GRID1: variants seen among roughly 807,000 people sequenced by gnomAD.
The protein encoded by GRID1 is glutamate ionotropic receptor delta type subunit 1.
GRID1 carries 28 observed loss-of-function variants against 98.0 expected under a neutral mutation model. The ratio of observed to expected loss-of-function variants is 0.29; its 90% CI spans 0.21 to 0.39. The LOEUF (loss-of-function observed/expected upper bound fraction) is 0.39, where lower values mean the gene tolerates loss of function less well. Ranked by LOEUF, GRID1 falls within the 10% of genes least tolerant of loss-of-function variation. GRID1 has a pLI of 1.00. For synonymous variants in GRID1, 553 were observed against 538.5 expected, an observed-to-expected ratio of 1.03 and a Z score of -0.37; for missense variants, 1,111 against 1,340.5, an observed-to-expected ratio of 0.83 and a Z score of 2.67.
chr10:86,051,437 A>T (rs1843501061), intron 4 of GRID1, among the ~76,000 whole-genome samples: 1 of 152,068 alleles, frequency 6.6e-6, no homozygotes, highest in South Asian at 2.1e-4. Flanking sequence ...CCTATGAACT[A>T]AAATTCAGAA....
intron 3 of GRID1, among the ~76,000 whole-genome samples, chr10:86,175,861 C>T (rs564243331): frequency 6.6e-6 from 1 of 152,344 alleles, no homozygotes; most frequent in Non-Finnish European, 1.5e-5. Flanking sequence ...AGGCATGCGC[C>T]ACCATGCCTG....
intron 2 of GRID1, among the ~76,000 whole-genome samples, chr10:86,309,708 C>T (rs1428708833): frequency 6.6e-6 from 1 of 152,152 alleles, no homozygotes; most frequent in Non-Finnish European, 1.5e-5. Context: ...ATGGTCACTG[C>T]CGTCAAAGAA....
intron 2 of GRID1, among the ~76,000 whole-genome samples, chr10:86,253,656 C>A (rs1846871466): frequency 1.3e-5 from 2 of 152,156 alleles, no homozygotes; most frequent in Non-Finnish European, 2.9e-5. Context: ...AAGGCCAGGC[C>A]CCGAGGGCAT....
intron 12 of GRID1, among the ~76,000 whole-genome samples, chr10:85,681,624 T>G (rs915793857): frequency 1.3e-5 from 2 of 152,060 alleles, no homozygotes; most frequent in African/African-American, 4.8e-5. Context: ...TTTCTAAATC[T>G]TGCACCTTCT....
At chr10:85,986,042 C>T (rs1278705623) in intron 4 of GRID1, among the ~76,000 whole-genome samples, 1 of 152,232 alleles carries the variant, frequency 6.6e-6, no homozygotes, top group Admixed American at 6.5e-5. Flanking sequence ...ATGCCTGGCA[C>T]AATGTCTACT....
At chr10:85,663,166 C>T (rs539660231) in intron 12 of GRID1, among the ~76,000 whole-genome samples, 2 of 152,250 alleles carry the variant, frequency 1.3e-5, no homozygotes, top group South Asian at 2.1e-4. Flanking sequence ...ACCCCTAGTA[C>T]CTATAAATTT....
chr10:86,327,501 C>CT (rs1316235871), intron 2 of GRID1, among the ~76,000 whole-genome samples: 3 of 152,156 alleles, frequency 2.0e-5, no homozygotes, highest in African/African-American at 7.2e-5. Flanking sequence ...TCATGGACAC[C>CT]TATATACTGC....
chr10:86,090,554 T>C (rs1453165917), intron 4 of GRID1, among the ~76,000 whole-genome samples: 1 of 149,910 alleles, frequency 6.7e-6, no homozygotes, highest in Admixed American at 6.6e-5. Context: ...CTAACATTTG[T>C]GTCATTGGAG....
chr10:85,931,920 T>G (rs1268049494), intron 4 of GRID1, among the ~76,000 whole-genome samples: 1 of 152,186 alleles, frequency 6.6e-6, no homozygotes, highest in East Asian at 1.9e-4. Flanking sequence ...GTCCTTCAGT[T>G]TCTCCAGAAA....
chr10:86,206,216 T>G lies in GRID1; in HGVS notation c.520+148A>C. The G allele has an allele frequency of 3.1e-6, 2 of 648,682 alleles. No homozygotes were observed. The highest frequency in any genetic ancestry group is 5.2e-6 in the Non-Finnish European group (2 of 386,862). 40.2% of individuals were successfully genotyped at this position (648,682 alleles called of 1,614,324 possible). A position where few individuals can be genotyped will look rare whatever the true frequency, so the allele number is the denominator to read the frequency against. On this transcript the variant is annotated intron_variant, in intron 3 of 15. Transcript: ENST00000327946. This position sits in a 1 kb window ranked among gnomAD's most constrained non-coding sequence, Gnocchi z 4.1. ...TGTTGTTGCAGCTCTTCCTGACTCA[T>G]GAAGCTCGAGGTTTGACCCTATCAC...
chr10:86,275,241 TAAAC>T (rs978399968), intron 2 of GRID1, among the ~76,000 whole-genome samples: 2 of 151,976 alleles, frequency 1.3e-5, no homozygotes, highest in African/African-American at 4.8e-5. Flanking sequence ...AGAAAGTTAC[TAAAC>T]AAAGAAGTAT....
intron 13 of GRID1, among the ~76,000 whole-genome samples, chr10:85,639,585 TA>T (rs1843090005): frequency 6.6e-6 from 1 of 152,226 alleles, no homozygotes; most frequent in South Asian, 2.1e-4. Flanking sequence ...GTTGCCTTTT[TA>T]AAAAATCTTT....
rs76493106 is a variant in GRID1 at position 85,895,481 on chromosome 10, T to C, written c.780+20705A>G. 4.4e-3 allele frequency among the ~76,000 whole-genome samples: 673 copies of C among 152,268 alleles called. 5 individuals carry two copies. The highest frequency in any genetic ancestry group is 0.015 in the African/African-American group (637 of 41,554). ...TATCCTCCCACCCATGCTCATATGT[T>C]ATCACCTTGGACTCTAAGCCACTGC... On this transcript the variant is annotated intron_variant, in intron 5 of 15. Transcript: ENST00000327946.
chr10:86,243,958 C>T (rs1160275373), intron 2 of GRID1, among the ~76,000 whole-genome samples: 2 of 152,198 alleles, frequency 1.3e-5, no homozygotes, highest in Admixed American at 6.5e-5. Context: ...TACATACCTG[C>T]ACATACATGC....
At position 85,599,802 on chromosome 10, in the gene GRID1, A is replaced by AAAAATATATATATATATATATAT; in HGVS notation, c.*2470_*2471insATATATATATATATATATATTTT. The AAAAATATATATATATATATATAT allele has an allele frequency of 2.2e-4, 14 of 64,962 alleles. No individual in the cohort carries two copies. In the South Asian group the frequency reaches 2.4e-3, roughly 11 times the overall value. The allele number at this position is 64,962 out of a possible 1,614,324, so 4.0% of individuals were successfully genotyped here. A position where few individuals can be genotyped will look rare whatever the true frequency, so the allele number is the denominator to read the frequency against. On this transcript the variant is annotated 3_prime_UTR_variant, in exon 16 of 16. Coordinates refer to ENST00000327946, the MANE Select transcript of GRID1 (RefSeq NM_017551.3). ...GTAGAAAATTCTAAAAAAAAAAAAAAATATATATATATATATATAAACATG... is the reference window on the plus strand; with the variant it reads ...GTAGAAAATTCTAAAAAAAAAAAAAAAAAATATATATATATATATATATATATATATATATATATATAAACATG...
chr10:85,836,560 C>T (rs979705219), intron 8 of GRID1, among the ~76,000 whole-genome samples: 1 of 152,284 alleles, frequency 6.6e-6, no homozygotes, highest in South Asian at 2.1e-4. Context: ...ATCACGGACA[C>T]TTGAGATAGC....
chr10:85,892,136 C>T (rs1841209936), intron 5 of GRID1, among the ~76,000 whole-genome samples: 1 of 149,390 alleles, frequency 6.7e-6, no homozygotes, highest in African/African-American at 2.5e-5. Flanking sequence ...GCACATTAGA[C>T]ACTGTAGAAG....
At chr10:85,937,643 C>G (rs1841944592) in intron 4 of GRID1, among the ~76,000 whole-genome samples, 1 of 152,204 alleles carries the variant, frequency 6.6e-6, no homozygotes. Context: ...TTTGTAACCC[C>G]AATGCCTAAC....
At position 86,268,410 on chromosome 10, in the gene GRID1, A is replaced by C. The variant is rs528097764; in HGVS notation, c.236-61762T>G. ...CTGGAGGAAGAGGATGGCAGGGAGC[A>C]TAGCCCAGGACCGTCCGTGATGGAC... On this transcript the variant is annotated intron_variant, in intron 2 of 15. Coordinates refer to ENST00000327946, the MANE Select transcript of GRID1 (RefSeq NM_017551.3). Among the ~76,000 whole-genome samples, 4 of 152,352 alleles carry C rather than the reference A, an allele frequency of 2.6e-5. No homozygotes were observed. The South Asian group carries it at 8.3e-4, about 32-fold the overall frequency.
Sources: allele counts gnomAD v4.1 joint callset (sites outside exome capture counted in the v4.1 genomes callset), GRCh38; gene constraint gnomAD v4.1.1; non-coding constraint Gnocchi (gnomAD v3.1); transcripts MANE v1.5; gene names NCBI Gene and HGNC (gene_info 2026-07-23, HGNC 2026-07-21).